The following B4GALNT2 variants were observed in gnomAD, a reference collection of about 807,000 sequenced individuals.
The protein encoded by B4GALNT2 is beta-1,4-N-acetyl-galactosaminyltransferase 2 (SID blood group).
A neutral mutation model predicts 51.1 loss-of-function variants in B4GALNT2; 42 were observed. That is an observed-to-expected ratio of 0.82 (90% CI 0.64 to 1.06). The LOEUF is 1.06. Ranked by LOEUF, B4GALNT2 falls within the 50% of genes least tolerant of loss-of-function variation. The pLI, the probability that B4GALNT2 is intolerant of heterozygous loss-of-function variation, is 0.00. For missense variants in B4GALNT2, 602 were observed against 633.6 expected (o/e 0.95, Z 0.54); for synonymous variants, 253 against 251.7 (o/e 1.01, Z -0.05).
chr17:49,150,577 A>G (rs2042743456), intron 3 of B4GALNT2, among the ~76,000 whole-genome samples: 1 of 151,752 alleles, frequency 6.6e-6, no homozygotes, highest in South Asian at 2.1e-4. Context: ...GTTCTGTACT[A>G]AGAAAAATTC....
intron 1 of B4GALNT2, among the ~76,000 whole-genome samples, chr17:49,137,398 T>C (rs1344655946): frequency 3.3e-5 from 5 of 152,154 alleles, no homozygotes; most frequent in Non-Finnish European, 7.3e-5. Flanking sequence ...AAGGACAAAT[T>C]CAGCCCCCTC....
At chr17:49,169,412 C>T (rs978505309) in intron 10 of B4GALNT2, 111 bp from the exon 11 acceptor site, 5 of 1,020,324 alleles carry the variant, frequency 4.9e-6, no homozygotes, top group African/African-American at 1.6e-5. Flanking sequence ...CTGAACCTCC[C>T]CAGTGTATGA....
intron 5 of B4GALNT2, 123 bp downstream of exon 5, chr17:49,156,726 G>C (rs2042814234): frequency 9.0e-7 from 1 of 1,107,400 alleles, no homozygotes; most frequent in East Asian, 2.6e-5. Context: ...AGCCCAAGGA[G>C]GGAGGGGATG....
chr17:49,133,072 C>A (rs745583103), intron 1 of B4GALNT2: 1 of 1,505,608 alleles, frequency 6.6e-7, no homozygotes, highest in Non-Finnish European at 8.8e-7. Context: ...GTGGAAGTGG[C>A]CTCTCGCGGC....
At chr17:49,129,573 C>G (rs1011271591), upstream of B4GALNT2, among the ~76,000 whole-genome samples, 25 of 151,838 alleles carry the variant, frequency 1.6e-4, no homozygotes, top group Non-Finnish European at 2.6e-4. Flanking sequence ...GCTCAACAGT[C>G]AAAGGTTTAT....
rs1001972751 is a variant in B4GALNT2, at chr17:49,172,248, C to T, written c.*2520C>T. 15 of 187,896 alleles carry T rather than the reference C, an allele frequency of 8.0e-5. No individual in the cohort carries two copies. Among genetic ancestry groups the T allele is most frequent in the African/African-American group, 2.8e-4 (12 of 42,262 alleles). The allele number at this position is 187,896 out of a possible 1,614,324, so 11.6% of individuals were successfully genotyped here. A position where few individuals can be genotyped will look rare whatever the true frequency, so the allele number is the denominator to read the frequency against. On this transcript the variant is annotated 3_prime_UTR_variant, in exon 11 of 11. Coordinates refer to ENST00000393354, the MANE Select transcript of B4GALNT2 (RefSeq NM_001159387.2). ...GACATGGCTGCAACCAGGGGATCCT[C>T]GGGATCCTCCTGGAATCTCTTCCTC... is the stretch of plus-strand genomic sequence containing the variant.
the B4GALNT2 span, among the ~76,000 whole-genome samples, chr17:49,125,240 A>G: frequency 6.6e-6 from 1 of 151,948 alleles, no homozygotes; most frequent in Non-Finnish European, 1.5e-5. Context: ...ACTCACTGCA[A>G]CCTCCACTTC....
At chr17:49,157,414 G>A (rs982564343) in intron 5 of B4GALNT2, among the ~76,000 whole-genome samples, 1 of 144,374 alleles carries the variant, frequency 6.9e-6, no homozygotes, top group Non-Finnish European at 1.5e-5. Flanking sequence ...TCCACCTCCC[G>A]AGTTCAATCG....
At chr17:49,139,258 A>T (rs2042617826) in intron 1 of B4GALNT2, among the ~76,000 whole-genome samples, 1 of 149,758 alleles carries the variant, frequency 6.7e-6, no homozygotes, top group Non-Finnish European at 1.5e-5. Flanking sequence ...TTTTTTTTGG[A>T]GACAGAGTCT....
intron 1 of B4GALNT2, among the ~76,000 whole-genome samples, chr17:49,137,683 A>G (rs908398076): frequency 4.6e-5 from 7 of 152,324 alleles, no homozygotes; most frequent in Non-Finnish European, 7.3e-5. Flanking sequence ...CTGCACAAGA[A>G]AAAAACACAT....
intron 1 of B4GALNT2, chr17:49,133,183 G>T: frequency 2.0e-6 from 3 of 1,511,660 alleles, no homozygotes; most frequent in Non-Finnish European, 1.8e-6. Context: ...CCAGCCTGGG[G>T]CCCGTTTGCT....
chr17:49,162,239 G>A (rs2144331588), intron 7 of B4GALNT2, among the ~76,000 whole-genome samples: 1 of 152,150 alleles, frequency 6.6e-6, no homozygotes, highest in East Asian at 1.9e-4. Flanking sequence ...AAAGACAAAG[G>A]TCTAATTTTA....
upstream of B4GALNT2, among the ~76,000 whole-genome samples, chr17:49,128,138 C>T (rs1457461102): frequency 1.3e-5 from 2 of 152,028 alleles, no homozygotes; most frequent in Non-Finnish European, 2.9e-5. Flanking sequence ...GAATTCCCTG[C>T]GGTAATGAGA....
rs534589212 is a variant in B4GALNT2 at position 49,135,402 on chromosome 17, C to G, written c.14+2596C>G. Among the ~76,000 whole-genome samples, 6 of 150,828 alleles carry G rather than the reference C, an allele frequency of 4.0e-5. No homozygotes were observed. In the East Asian group the frequency reaches 1.2e-3, roughly 30 times the overall value. On this transcript the variant is annotated intron_variant, in intron 1 of 10. Transcript: ENST00000393354. ...GCAACCTCCGCCTCCCAGGTTCAAG[C>G]GATTCTCCTGCCTCTACAGGTGCGT...
At chr17:49,161,870 CA>C in intron 7 of B4GALNT2, among the ~76,000 whole-genome samples, 1 of 151,204 alleles carries the variant, frequency 6.6e-6, no homozygotes, top group Non-Finnish European at 1.5e-5. Flanking sequence ...AACAAAAAAA[CA>C]AAAAAACTTG....
chr17:49,128,157 C>T (rs564112234), upstream of B4GALNT2, among the ~76,000 whole-genome samples: 4 of 152,130 alleles, frequency 2.6e-5, no homozygotes, highest in African/African-American at 9.6e-5. Flanking sequence ...GAGGGATTTT[C>T]ATAGAAAGAT....
chr17:49,126,878 G>A, the B4GALNT2 span, among the ~76,000 whole-genome samples: 1 of 152,002 alleles, frequency 6.6e-6, no homozygotes, highest in Non-Finnish European at 1.5e-5. Context: ...TAACTTTTGT[G>A]TTTTCAGTAG....
chr17:49,150,834 C>T (rs1367831586), intron 3 of B4GALNT2, among the ~76,000 whole-genome samples: 3 of 149,570 alleles, frequency 2.0e-5, no homozygotes, highest in Admixed American at 6.7e-5. Flanking sequence ...CCTTTGTTCA[C>T]TTGTTTATCC....
At chr17:49,167,617 T>TC (rs1567867790) in intron 9 of B4GALNT2, among the ~76,000 whole-genome samples, 1 of 149,156 alleles carries the variant, frequency 6.7e-6, no homozygotes, top group African/African-American at 2.5e-5. Flanking sequence ...TCTTTTTTTT[T>TC]TTTTTTTTTT....
Sources: gnomAD v4.1 joint callset for allele counts (sites outside exome capture counted in the v4.1 genomes callset) on GRCh38, gnomAD v4.1.1 for gene constraint, MANE v1.5 for transcripts, NCBI Gene and HGNC (gene_info 2026-07-23, HGNC 2026-07-21) for gene names.